CNTN4: variants seen among roughly 807,000 people sequenced by gnomAD.
CNTN4 encodes the protein contactin-4.
In CNTN4, 77 loss-of-function variants were observed where a neutral mutation model predicts 122.5. That is an observed-to-expected ratio of 0.63 (90% CI 0.52 to 0.76). CNTN4 has a LOEUF of 0.76. Among genes scored for constraint, CNTN4 ranks in the 30% least tolerant of loss-of-function variants. The probability of loss-of-function intolerance (pLI) is 0.00; values close to 1 mark genes in which losing one functional copy is unlikely to be tolerated. For synonymous variants in CNTN4, 512 were observed against 447.0 expected, an observed-to-expected ratio of 1.15 and a Z score of -1.83; for missense variants, 1,256 against 1,259.1, an observed-to-expected ratio of 1.00 and a Z score of 0.04.
intron 2 of CNTN4, among the ~76,000 whole-genome samples, chr3:2,331,315 A>C (rs1007738593): frequency 6.6e-6 from 1 of 152,152 alleles, no homozygotes; most frequent in African/African-American, 2.4e-5. Flanking sequence ...GCATTGTAGA[A>C]GTAGGCCCTT....
At chr3:2,169,098 ATATT>A (rs1294042123) in intron 2 of CNTN4, among the ~76,000 whole-genome samples, 1 of 152,170 alleles carries the variant, frequency 6.6e-6, no homozygotes, top group Non-Finnish European at 1.5e-5. Context: ...AGTCTAATAT[ATATT>A]GTGAAATTTT....
At chr3:2,142,364 T>C (rs1356652205) in intron 2 of CNTN4, among the ~76,000 whole-genome samples, 1 of 152,152 alleles carries the variant, frequency 6.6e-6, no homozygotes, top group Non-Finnish European at 1.5e-5. Context: ...TTCCTTTTTT[T>C]TTCTTTCTTT....
intron 16 of CNTN4, among the ~76,000 whole-genome samples, chr3:3,031,685 A>G (rs2125681250): frequency 6.6e-6 from 1 of 152,336 alleles, no homozygotes; most frequent in East Asian, 1.9e-4. Context: ...TTTTTAAATG[A>G]AAATTAAAAT....
intron 4 of CNTN4, among the ~76,000 whole-genome samples, chr3:2,734,597 G>A (rs2088946100): frequency 6.6e-6 from 1 of 151,112 alleles, no homozygotes; most frequent in Non-Finnish European, 1.5e-5. Flanking sequence ...AATTCTGTTT[G>A]GTCATTTTGT....
At chr3:2,780,735 A>C (rs2091535608) in intron 6 of CNTN4, among the ~76,000 whole-genome samples, 4 of 152,230 alleles carry the variant, frequency 2.6e-5, no homozygotes, top group Non-Finnish European at 5.9e-5. Flanking sequence ...TGCCCTTAAA[A>C]TTCCACGCCC....
At chr3:2,890,056 A>T (rs1364856762) in intron 10 of CNTN4, among the ~76,000 whole-genome samples, 1 of 152,236 alleles carries the variant, frequency 6.6e-6, no homozygotes, top group African/African-American at 2.4e-5. Flanking sequence ...TGCTTTCTGA[A>T]GATAACTCAG....
At chr3:2,986,957 T>C (rs1477119300) in intron 13 of CNTN4, among the ~76,000 whole-genome samples, 2 of 152,124 alleles carry the variant, frequency 1.3e-5, no homozygotes, top group Non-Finnish European at 2.9e-5. Context: ...TGATTGAATT[T>C]AGTGGGAAGA....
intron 3 of CNTN4, among the ~76,000 whole-genome samples, chr3:2,430,366 G>A (rs1326917388): frequency 1.3e-5 from 2 of 149,560 alleles, no homozygotes; most frequent in African/African-American, 5.0e-5. Context: ...AGCTTGCAGT[G>A]AGCCAAGATT....
At chr3:2,806,068 A>AT (rs1488749729) in intron 6 of CNTN4, among the ~76,000 whole-genome samples, 1 of 151,890 alleles carries the variant, frequency 6.6e-6, no homozygotes, top group Admixed American at 6.6e-5. Flanking sequence ...GGCCTGGCTA[A>AT]TTTTTTGTAT....
rs1375736356 is a variant in CNTN4 at position 2,571,314 on chromosome 3, C to T, written c.-88-102C>T. On this transcript the variant is annotated intron_variant, in intron 3 of 24. Transcript: ENST00000418658. ...CTTTCTTCCCCTCCAATGGTACTTT[C>T]CCACAAGTGAGTTTTATTGATATTT... The T allele has an allele frequency of 6.4e-6, 4 of 626,204 alleles. No homozygotes were observed. In the South Asian group the frequency reaches 7.7e-5, roughly 12 times the overall value. 38.8% of individuals were successfully genotyped at this position (626,204 alleles called of 1,614,324 possible).
chr3:2,549,062 A>C (rs941799645), intron 3 of CNTN4, among the ~76,000 whole-genome samples: 1 of 152,172 alleles, frequency 6.6e-6, no homozygotes, highest in Non-Finnish European at 1.5e-5. Flanking sequence ...TGATCAGCTT[A>C]AGGAGATTTG....
At chr3:2,713,946 G>T (rs1317505731) in intron 4 of CNTN4, among the ~76,000 whole-genome samples, 1 of 152,102 alleles carries the variant, frequency 6.6e-6, no homozygotes, top group Non-Finnish European at 1.5e-5. Flanking sequence ...CCTTCATCAT[G>T]GTTGAAATGA....
intron 16 of CNTN4, 64 bp downstream of exon 16, chr3:3,031,039 G>A: frequency 6.2e-7 from 1 of 1,605,024 alleles, no homozygotes; most frequent in East Asian, 2.2e-5. Context: ...GTAGCGCAGA[G>A]TTCCAGAAAC....
intron 4 of CNTN4, among the ~76,000 whole-genome samples, chr3:2,729,457 T>C (rs1381643707): frequency 1.4e-5 from 2 of 143,190 alleles, no homozygotes; most frequent in Non-Finnish European, 3.0e-5. Flanking sequence ...AGCAGGAGAA[T>C]CGCTCAAACC....
At chr3:2,744,194 G>A (rs1178410449) in intron 5 of CNTN4, among the ~76,000 whole-genome samples, 1 of 152,186 alleles carries the variant, frequency 6.6e-6, no homozygotes, top group Non-Finnish European at 1.5e-5. Flanking sequence ...TTTGAAGTGG[G>A]ACAGAGGTCT....
chr3:2,504,725 A>G (rs1029733895), intron 3 of CNTN4, among the ~76,000 whole-genome samples: 2 of 152,216 alleles, frequency 1.3e-5, no homozygotes, highest in African/African-American at 4.8e-5. Context: ...TCAAACAACA[A>G]CAGGACAAAT....
intron 2 of CNTN4, among the ~76,000 whole-genome samples, chr3:2,272,605 A>T (rs764064415): frequency 6.6e-6 from 1 of 152,214 alleles, no homozygotes; most frequent in Non-Finnish European, 1.5e-5. Flanking sequence ...TTTTAAAATG[A>T]AAACCTCATT....
intron 2 of CNTN4, among the ~76,000 whole-genome samples, chr3:2,145,613 A>G (rs1225011678): frequency 6.6e-6 from 1 of 152,242 alleles, no homozygotes; most frequent in Non-Finnish European, 1.5e-5. Context: ...TTTAGCTTTT[A>G]TGATTCCACC....
chr3:2,198,196 T>C (rs768312718), intron 2 of CNTN4, among the ~76,000 whole-genome samples: 10 of 152,210 alleles, frequency 6.6e-5, no homozygotes, highest in Non-Finnish European at 1.3e-4. Flanking sequence ...GTTGTCTTCT[T>C]GCTAATGCTC....
Sources: gnomAD v4.1 joint callset for allele counts (sites outside exome capture counted in the v4.1 genomes callset) on GRCh38, gnomAD v4.1.1 for gene constraint, MANE v1.5 for transcripts, NCBI Gene and HGNC (gene_info 2026-07-23, HGNC 2026-07-21) for gene names.